CLPB: variants seen among roughly 807,000 people sequenced by gnomAD.
CLPB encodes mitochondrial disaggregase.
Under a neutral mutation model 78.4 loss-of-function variants are expected in CLPB, and 40 were observed. The ratio of observed to expected loss-of-function variants is 0.51; its 90% confidence interval spans 0.40 to 0.66. CLPB has a LOEUF of 0.66. Ranked by LOEUF, CLPB falls within the 30% of genes least tolerant of loss-of-function variation. The pLI, the probability that CLPB is intolerant of heterozygous loss-of-function variation, is 0.00. For missense variants in CLPB, 780 were observed against 886.9 expected (o/e 0.88, Z 1.53); for synonymous variants, 333 against 348.0 (o/e 0.96, Z 0.48).
At chr11:72,380,641 C>G (rs1036392276) in intron 3 of CLPB, among the ~76,000 whole-genome samples, 12 of 152,128 alleles carry the variant, frequency 7.9e-5, no homozygotes, top group African/African-American at 2.9e-4. Context: ...GAGTTCAAGA[C>G]CAGTCTGGGC....
chr11:72,403,988 T>C (rs1855633488), intron 2 of CLPB, among the ~76,000 whole-genome samples: 2 of 152,114 alleles, frequency 1.3e-5, no homozygotes, highest in Admixed American at 1.3e-4. Context: ...ATCGCCTCTT[T>C]TCAGGGATAA....
Position 72,387,745 on chromosome 11 carries a change from G to A in CLPB, c.543-7361C>T, listed in dbSNP as rs556750109. On this transcript the variant is annotated intron_variant, in intron 3 of 15. Transcript: ENST00000538039. ...TAATCACATGAATCTGGGCTGTGATGGGCACCAGATCTATACCTGACCACC... is the reference window on the plus strand; with the variant it reads ...TAATCACATGAATCTGGGCTGTGATAGGCACCAGATCTATACCTGACCACC... 2.0e-5 allele frequency among the ~76,000 whole-genome samples: 3 copies of A among 152,004 alleles called. No homozygotes were observed. In the East Asian group the frequency reaches 5.8e-4, roughly 29 times the overall value.
intron 2 of CLPB, among the ~76,000 whole-genome samples, chr11:72,418,451 T>C (rs1387687709): frequency 6.6e-6 from 1 of 152,262 alleles, no homozygotes; most frequent in Non-Finnish European, 1.5e-5. Flanking sequence ...AGGTTAAAGA[T>C]GTTAGACAAC....
intron 6 of CLPB, among the ~76,000 whole-genome samples, chr11:72,327,726 G>T (rs961965912): frequency 1.3e-5 from 2 of 152,226 alleles, no homozygotes; most frequent in Admixed American, 1.3e-4. Flanking sequence ...TGAGCATGCA[G>T]TCCCTAAGAT....
chr11:72,382,652 G>T (rs1325116857), intron 3 of CLPB, among the ~76,000 whole-genome samples: 1 of 152,216 alleles, frequency 6.6e-6, no homozygotes, highest in Non-Finnish European at 1.5e-5. Flanking sequence ...TCAGCACCAA[G>T]ATCATTCATG....
chr11:72,321,305 A>G (rs1027391197), intron 6 of CLPB, among the ~76,000 whole-genome samples: 1 of 152,156 alleles, frequency 6.6e-6, no homozygotes, highest in African/African-American at 2.4e-5. Context: ...ACCGTAAAGG[A>G]GCCACCCAGG....
chr11:72,361,131 C>G (rs966387844), intron 4 of CLPB, among the ~76,000 whole-genome samples: 1 of 152,208 alleles, frequency 6.6e-6, no homozygotes, highest in Non-Finnish European at 1.5e-5. Flanking sequence ...TGGATGGAAG[C>G]ATTTCAAATG....
At chr11:72,304,836 A>G (rs1375274494) in intron 9 of CLPB, among the ~76,000 whole-genome samples, 1 of 152,206 alleles carries the variant, frequency 6.6e-6, no homozygotes, top group African/African-American at 2.4e-5. Flanking sequence ...GTTTGGTAAA[A>G]GTCTATTTTA....
intron 11 of CLPB, among the ~76,000 whole-genome samples, chr11:72,300,279 A>G (rs1349445058): frequency 6.6e-6 from 1 of 152,180 alleles, no homozygotes; most frequent in Non-Finnish European, 1.5e-5. Context: ...GGTTAAATTG[A>G]TACACATAAG....
intron 2 of CLPB, among the ~76,000 whole-genome samples, chr11:72,416,735 CAAAAAAAAA>C (rs35655496): frequency 0.026 from 1,300 of 50,710 alleles, 25 homozygotes; most frequent in African/African-American, 0.071. Flanking sequence ...GACTCCGTCT[CAAAAAAAAA>C]AAAAAAAAAA....
At chr11:72,389,326 G>A (rs1855176689) in intron 3 of CLPB, among the ~76,000 whole-genome samples, 2 of 152,242 alleles carry the variant, frequency 1.3e-5, no homozygotes, top group Admixed American at 1.3e-4. Flanking sequence ...TGGCACAGAG[G>A]AAGGTAGGCA....
intron 5 of CLPB, among the ~76,000 whole-genome samples, chr11:72,340,400 G>A (rs573612452): frequency 1.3e-5 from 2 of 152,222 alleles, no homozygotes; most frequent in East Asian, 1.9e-4. Context: ...GGATCGATAC[G>A]GAATTTATCA....
intron 2 of CLPB, among the ~76,000 whole-genome samples, chr11:72,427,903 T>C (rs2135159752): frequency 6.6e-6 from 1 of 152,222 alleles, no homozygotes; most frequent in African/African-American, 2.4e-5. Flanking sequence ...GCCCAGGACA[T>C]TGAAGAAGAA....
intron 1 of CLPB, among the ~76,000 whole-genome samples, chr11:72,432,249 C>T (rs755354393): frequency 8.5e-5 from 13 of 152,218 alleles, no homozygotes; most frequent in Non-Finnish European, 1.6e-4. Flanking sequence ...AACTCTCACA[C>T]ATTTACTGAG....
chr11:72,423,764 C>T (rs1856278437), intron 2 of CLPB, among the ~76,000 whole-genome samples: 1 of 152,170 alleles, frequency 6.6e-6, no homozygotes, highest in Non-Finnish European at 1.5e-5. Context: ...GTTAATATGG[C>T]CTACAGACCC....
chr11:72,351,834 G>A (rs557051206), intron 5 of CLPB, among the ~76,000 whole-genome samples: 2 of 152,148 alleles, frequency 1.3e-5, no homozygotes, highest in Non-Finnish European at 2.9e-5. Flanking sequence ...GCCTCCCAAA[G>A]TGCTGGGATT....
At chr11:72,297,634 C>CAG (rs2135491367) in intron 11 of CLPB, among the ~76,000 whole-genome samples, 1 of 100,920 alleles carries the variant, frequency 9.9e-6, no homozygotes, top group East Asian at 2.9e-4. Flanking sequence ...TTTTGGGGAC[C>CAG]AGGTGTGTGT....
At chr11:72,325,241 C>G (rs572173478) in intron 6 of CLPB, among the ~76,000 whole-genome samples, 3 of 152,308 alleles carry the variant, frequency 2.0e-5, no homozygotes, top group Non-Finnish European at 2.9e-5. Flanking sequence ...GTATTAAACT[C>G]TCCATCTATT....
intron 5 of CLPB, among the ~76,000 whole-genome samples, chr11:72,348,824 C>G (rs111482568): frequency 1.3e-5 from 2 of 152,332 alleles, no homozygotes; most frequent in African/African-American, 4.8e-5. Flanking sequence ...ATTAATTCAA[C>G]AAATGTTGGC....
Sources: gnomAD v4.1 joint callset for allele counts (sites outside exome capture counted in the v4.1 genomes callset) on GRCh38, gnomAD v4.1.1 for gene constraint, MANE v1.5 for transcripts, NCBI Gene and HGNC (gene_info 2026-07-23, HGNC 2026-07-21) for gene names.